AFF4: variants seen among roughly 807,000 people sequenced by gnomAD.
AFF4 encodes AF4/FMR2 family member 4.
Under a neutral mutation model 124.8 loss-of-function variants are expected in AFF4, and 13 were observed. That is an observed-to-expected ratio of 0.10 (90% CI 0.07 to 0.17). The LOEUF (loss-of-function observed/expected upper bound fraction) is 0.17, where lower values mean the gene tolerates loss of function less well. Ranked by LOEUF, AFF4 falls within the 10% of genes least tolerant of loss-of-function variation. The pLI is 1.00. For synonymous variants in AFF4, 477 were observed against 496.1 expected (o/e 0.96, Z 0.51); for missense variants, 1,092 against 1,403.8 (o/e 0.78, Z 3.55).
chr5:132,886,524 T>A, intron 17 of AFF4, 121 bp from the exon 18 acceptor site: 1 of 816,142 alleles, frequency 1.2e-6, no homozygotes, highest in Non-Finnish European at 2.0e-6. Context: ...GCCACAACAT[T>A]AACCGTTAGG....
intron 2 of AFF4, among the ~76,000 whole-genome samples, chr5:132,935,790 G>A (rs1209846331): frequency 6.6e-6 from 1 of 151,604 alleles, no homozygotes; most frequent in Non-Finnish European, 1.5e-5. Context: ...CGGCAAGGTG[G>A]TGCACGCCTG....
Position 132,893,070 on chromosome 5 carries a change from C to A in AFF4, c.2356G>T (p.Asp786Tyr). The part of the protein sequence containing the change: ...ASESKKPKTE[D>Y]KNSAGHKPSS... The stretch of plus-strand genomic sequence containing the variant: ...GGCTTATGGCCTGCTGAATTCTTGT[C>A]CTCCGTTTTGGGTTTCTTGCTCTCA... Residue 786 changes from aspartate (D) to tyrosine (Y), a missense_variant, in exon 12 of 21, where the codon GAC becomes TAC. Around this residue, in one of 11 missense-constraint regions of AFF4, gnomAD observed 293 missense variants for 280.2 expected, o/e 1.05. Coordinates refer to ENST00000265343, the MANE Select transcript of AFF4 (RefSeq NM_014423.4). 1.9e-6 allele frequency: 3 copies of A among 1,614,054 alleles called. No homozygotes were observed. The highest frequency in any genetic ancestry group is 1.3e-5 in the African/African-American group (1 of 75,016).
At chr5:132,927,261 A>G (rs992147951) in intron 4 of AFF4, 54 bp from the exon 5 acceptor site, 3 of 1,456,082 alleles carry the variant, frequency 2.1e-6, no homozygotes, top group Admixed American at 3.8e-5. Flanking sequence ...TAAAAATTAT[A>G]CAGCTAAAAA....
chr5:132,899,600 C>G lies in AFF4; in HGVS notation c.1175G>C (p.Ser392Thr). ...DDLKLSSSED[S>T]DGEQDCDKTM... ...TAGTAGACACACCTGTTCCCCATCA[C>G]TGTCTTCACTGCTGCTTAGTTTTAA... The change falls in exon 8 of 21, where the codon AGT becomes ACT. Residue 392 changes from serine (S) to threonine (T), a missense_variant. Coordinates refer to ENST00000265343, the MANE Select transcript of AFF4 (RefSeq NM_014423.4). 1 of 1,612,304 alleles carries G rather than the reference C, an allele frequency of 6.2e-7. No individual in the cohort carries two copies. The highest frequency in any genetic ancestry group is 8.5e-7 in the Non-Finnish European group (1 of 1,179,024).
At chr5:132,912,854 A>AACAC (rs71221402) in intron 5 of AFF4, among the ~76,000 whole-genome samples, 4,615 of 146,714 alleles carry the variant, frequency 0.031, 95 homozygotes, top group African/African-American at 0.054. Flanking sequence ...ACACACACAC[A>AACAC]ACACACACAC....
intron 5 of AFF4, among the ~76,000 whole-genome samples, chr5:132,916,306 T>C (rs1760910451): frequency 1.4e-5 from 2 of 146,164 alleles, no homozygotes. Context: ...CTCATGCTTA[T>C]CAACCCAGTG....
Position 132,877,877 on chromosome 5 carries a change from C to T in AFF4, c.*3182G>A. On this transcript the variant is annotated 3_prime_UTR_variant, in exon 21 of 21. Transcript: ENST00000265343. ...TAAAAACTAGTGAATCTAATAAAGC[C>T]AAGTGTGTCATTCAAAGTGCAGCCC... The T allele has an allele frequency of 4.5e-6, 1 of 222,534 alleles. No individual in the cohort carries two copies. Among genetic ancestry groups the T allele is most frequent in the Non-Finnish European group, 9.0e-6 (1 of 111,132 alleles). 13.8% of individuals were successfully genotyped at this position (222,534 alleles called of 1,614,324 possible).
At chr5:132,894,220 C>G (rs1241193368) in intron 11 of AFF4, among the ~76,000 whole-genome samples, 3 of 152,202 alleles carry the variant, frequency 2.0e-5, no homozygotes, top group Non-Finnish European at 4.4e-5. Context: ...CAAAAGGTAA[C>G]TCTATGTTTA....
At chr5:132,955,221 G>A (rs1462509340) in intron 1 of AFF4, among the ~76,000 whole-genome samples, 3 of 152,112 alleles carry the variant, frequency 2.0e-5, no homozygotes. Flanking sequence ...AGTGGAGCTT[G>A]GAGTTTTTAT....
intron 1 of AFF4, among the ~76,000 whole-genome samples, chr5:132,962,864 G>C (rs916746770): frequency 1.3e-5 from 2 of 150,940 alleles, no homozygotes; most frequent in African/African-American, 4.9e-5. Context: ...TCGCGAGAAG[G>C]AAAGCGAGAA....
At chr5:132,929,248 T>G (rs1761248971) in intron 4 of AFF4, among the ~76,000 whole-genome samples, 2 of 152,136 alleles carry the variant, frequency 1.3e-5, no homozygotes, top group South Asian at 4.1e-4. Flanking sequence ...ATTTTATATC[T>G]CAAATATCAA....
chr5:132,929,772 G>C (rs960943510), intron 4 of AFF4, among the ~76,000 whole-genome samples: 1 of 152,154 alleles, frequency 6.6e-6, no homozygotes, highest in African/African-American at 2.4e-5. Context: ...TAATCTTAGA[G>C]AGCCACTGAA....
rs765528883 is a variant in AFF4 at position 132,883,309 on chromosome 5, T to C, written c.3364+31A>G. On this transcript the variant is annotated intron_variant, in intron 20 of 20. Coordinates refer to ENST00000265343, the MANE Select transcript of AFF4 (RefSeq NM_014423.4). ...ATAAAAGTTCCTTCTAACAATTCCA[T>C]CCCTTGAAGTTTATCCAGAAACCTA... is the stretch of plus-strand genomic sequence containing the variant. 3.8e-6 allele frequency: 6 copies of C among 1,591,918 alleles called. No individual in the cohort carries two copies. The African/African-American group carries it at 4.0e-5, about 11-fold the overall frequency.
intron 7 of AFF4, among the ~76,000 whole-genome samples, chr5:132,902,004 C>T (rs1760563661): frequency 6.6e-6 from 1 of 152,110 alleles, no homozygotes; most frequent in Non-Finnish European, 1.5e-5. Flanking sequence ...CACTATCTGA[C>T]CCTTTACATA....
intron 20 of AFF4, among the ~76,000 whole-genome samples, chr5:132,882,657 C>A (rs372183259): frequency 4.2e-4 from 64 of 152,086 alleles, no homozygotes; most frequent in African/African-American, 1.4e-3. Flanking sequence ...CAGTTCAAGA[C>A]CAGCCTGGTT....
At chr5:132,960,949 C>A (rs762554277) in intron 1 of AFF4, among the ~76,000 whole-genome samples, 5 of 152,014 alleles carry the variant, frequency 3.3e-5, no homozygotes, top group Admixed American at 2.0e-4. Context: ...GTTGGCCGGG[C>A]GCAGTGCTCA....
intron 1 of AFF4, among the ~76,000 whole-genome samples, chr5:132,948,228 T>C (rs749734976): frequency 7.2e-5 from 11 of 152,080 alleles, no homozygotes; most frequent in Non-Finnish European, 1.6e-4. Flanking sequence ...TCTTTTGTAT[T>C]TTAGTAGAGA....
intron 14 of AFF4, among the ~76,000 whole-genome samples, 178 bp from the exon 15 acceptor site, chr5:132,888,338 T>C (rs190375276): frequency 6.6e-6 from 1 of 152,080 alleles, no homozygotes; most frequent in Non-Finnish European, 1.5e-5. Context: ...CATAAGTTGT[T>C]TTGACCAACT....
At chr5:132,925,249 G>T (rs1466215172) in intron 5 of AFF4, among the ~76,000 whole-genome samples, 1 of 151,784 alleles carries the variant, frequency 6.6e-6, no homozygotes, top group East Asian at 1.9e-4. Flanking sequence ...GATATAAAAG[G>T]TAAGAGTGAT....
Sources: gnomAD v4.1 joint callset for allele counts (sites outside exome capture counted in the v4.1 genomes callset) on GRCh38, gnomAD v4.1.1 for gene constraint, gnomAD v4.1.1 regional missense constraint, MANE v1.5 for transcripts, NCBI Gene and HGNC (gene_info 2026-07-23, HGNC 2026-07-21) for gene names.